Variants in GNLY observed in about 807,000 individuals in gnomAD.
GNLY encodes granulysin.
A neutral mutation model predicts 18.5 loss-of-function variants in GNLY; 15 were observed. The ratio of observed to expected loss-of-function variants is 0.81; its 90% confidence interval spans 0.54 to 1.25. GNLY has a LOEUF of 1.25. Ranked by LOEUF, GNLY falls within the 50% of genes most tolerant of loss-of-function variation. GNLY has a pLI of 0.00. For missense variants in GNLY, 178 were observed against 186.9 expected (o/e 0.95, Z 0.28); for synonymous variants, 77 against 74.9 (o/e 1.03, Z -0.14).
At position 85,697,705 on chromosome 2, in the gene GNLY, C is replaced by T. The variant is rs762585559; in HGVS notation, c.427+28C>T. ...GAGTGCAGAGGTGACAGCAGGGATA[C>T]CTCCTGAGGGTTGGAGACAGCTTCC... On this transcript the variant is annotated intron_variant, in intron 4 of 4. Coordinates refer to ENST00000263863, the MANE Select transcript of GNLY (RefSeq NM_006433.5). 5.9e-6 allele frequency: 9 copies of T among 1,534,532 alleles called. No homozygotes were observed. The African/African-American group carries it at 1.2e-4, about 21-fold the overall frequency.
intron 3 of GNLY, 39 bp downstream of exon 3, chr2:85,696,095 C>A: frequency 8.6e-7 from 1 of 1,164,784 alleles, no homozygotes; most frequent in Non-Finnish European, 1.3e-6. Context: ...GTCTGCTGCT[C>A]AATGGAGGGG....
Position 85,695,370 on chromosome 2 carries a change from C to T in GNLY, c.103C>T (p.His35Tyr), listed in dbSNP as rs555596174. 2.9e-5 allele frequency: 46 copies of T among 1,613,872 alleles called. No homozygotes were observed. In the East Asian group the frequency reaches 7.6e-4, roughly 27 times the overall value. Residue 35 changes from histidine (H) to tyrosine (Y), a missense_variant, in exon 2 of 5, where the codon CAC (histidine) becomes TAC (tyrosine). His to Tyr is a moderately conservative substitution (Grantham distance 83). Coordinates refer to ENST00000263863, the MANE Select transcript of GNLY (RefSeq NM_006433.5). ...SPEYYDLARA[H>Y]LRDEEKSCPC... ...TGAGTACTACGACCTGGCAAGAGCCCACCTGCGTGATGAGGAGAAATCCTG... is the reference window on the plus strand; with the variant it reads ...TGAGTACTACGACCTGGCAAGAGCCTACCTGCGTGATGAGGAGAAATCCTG...
chr2:85,695,017 G>C (rs1214847554), intron 1 of GNLY: 2 of 1,581,018 alleles, frequency 1.3e-6, no homozygotes, highest in South Asian at 2.3e-5. Context: ...AAAATCCCTT[G>C]AAAGGAGATT....
chr2:85,695,490 G>C lies in GNLY; in HGVS notation c.156+67G>C, dbSNP rs1271681231. On this transcript the variant is annotated intron_variant, in intron 2 of 4. Transcript: ENST00000263863. ...TTTCCCTCCTCCCTGGTGGCTCCTG[G>C]GGTGAGGTCTGGAGCTCTCTAATGG... 4 of 934,246 alleles carry C rather than the reference G, an allele frequency of 4.3e-6. No individual in the cohort carries two copies. In the Admixed American group the frequency reaches 7.4e-5, roughly 17 times the overall value. 57.9% of individuals were successfully genotyped at this position (934,246 alleles called of 1,614,324 possible).
At chr2:85,696,978 A>G (rs139543132) in intron 3 of GNLY, 112 of 158,562 alleles carry the variant, frequency 7.1e-4, no homozygotes, top group Non-Finnish European at 1.2e-3. Context: ...TGCTGCCCCA[A>G]ACTACTCAGC....
At position 85,694,386 on chromosome 2, in the gene GNLY, G is replaced by T. The variant is rs1233543622; in HGVS notation, c.-33G>T. 6.2e-7 allele frequency: 1 copy of T among 1,606,368 alleles called. No individual in the cohort carries two copies. The highest frequency in any genetic ancestry group is 1.3e-5 in the African/African-American group (1 of 74,726). ...CTGCAGGCTCCCTGCCCATAAAACAGGGTGTGAAAGGCATCTCAGCGGCTG... is the reference window on the plus strand; with the variant it reads ...CTGCAGGCTCCCTGCCCATAAAACATGGTGTGAAAGGCATCTCAGCGGCTG... On this transcript the variant is annotated 5_prime_UTR_variant, in exon 1 of 5. The change creates a new upstream start codon in the 5' untranslated region. Coordinates refer to ENST00000263863, the MANE Select transcript of GNLY (RefSeq NM_006433.5).
Position 85,695,377 on chromosome 2 carries a change from G to C in GNLY, c.110G>C (p.Arg37Pro), listed in dbSNP as rs753773150. 1 of 1,613,962 alleles carries C rather than the reference G, an allele frequency of 6.2e-7. No individual in the cohort carries two copies. Among genetic ancestry groups the C allele is most frequent in the South Asian group, 1.1e-5 (1 of 91,076 alleles). Residue 37 changes from arginine (R) to proline (P), a missense_variant, in exon 2 of 5, where the codon CGT becomes CCT. Physicochemically the swap from Arg to Pro is moderately radical, Grantham distance 103. Coordinates refer to ENST00000263863, the MANE Select transcript of GNLY (RefSeq NM_006433.5). The stretch of plus-strand genomic sequence containing the variant: ...TACGACCTGGCAAGAGCCCACCTGC[G>C]TGATGAGGAGAAATCCTGCCCGTGC... ...EYYDLARAHL[R>P]DEEKSCPCLA...
At chr2:85,695,282 C>G in intron 1 of GNLY, 38 bp from the exon 2 acceptor site, 5 of 1,430,522 alleles carry the variant, frequency 3.5e-6, no homozygotes, top group Non-Finnish European at 4.9e-6. Flanking sequence ...CCTCTCCTTC[C>G]GCCTGCGGAG....
At chr2:85,695,004 A>AT (rs772664186) in intron 1 of GNLY, 70 of 1,589,966 alleles carry the variant, frequency 4.4e-5, no homozygotes, top group Non-Finnish European at 5.9e-5. Context: ...AAGGTAAAAA[A>AT]AGAAAATCCC....
At chr2:85,698,239 A>G (rs917372583) in intron 4 of GNLY, among the ~76,000 whole-genome samples, 1 of 152,212 alleles carries the variant, frequency 6.6e-6, no homozygotes, top group African/African-American at 2.4e-5. Flanking sequence ...GTGCCTGGAG[A>G]GAACAGATCT....
intron 1 of GNLY, chr2:85,695,098 C>A: frequency 1.7e-6 from 2 of 1,188,936 alleles, no homozygotes; most frequent in Non-Finnish European, 2.4e-6. Context: ...GAGAGAGTCT[C>A]GCCCTCCTGG....
At chr2:85,695,258 G>A in intron 1 of GNLY, 62 bp from the exon 2 acceptor site, 1 of 1,221,870 alleles carries the variant, frequency 8.2e-7, no homozygotes. Context: ...CACCAGCCAG[G>A]AGAACGGGCT....
Position 85,694,479 on chromosome 2 carries a change from T to A in GNLY, c.52+9T>A. 1 of 1,613,402 alleles carries A rather than the reference T, an allele frequency of 6.2e-7. No homozygotes were observed. Among genetic ancestry groups the A allele is most frequent in the Non-Finnish European group, 8.5e-7 (1 of 1,179,432 alleles). The stretch of plus-strand genomic sequence containing the variant: ...GCTCCTGGGCAACCCAGGTAAGGCC[T>A]TCCCCTCGGGATCGATCCTGATGGC... On this transcript the variant is annotated intron_variant, in intron 1 of 4. Transcript: ENST00000263863.
At chr2:85,698,318 A>C (rs1678539393) in intron 4 of GNLY, 3 of 704,742 alleles carry the variant, frequency 4.3e-6, no homozygotes, top group Non-Finnish European at 7.7e-6. Flanking sequence ...GGCACTTGCC[A>C]ATGCTCTGGG....
chr2:85,695,402 C>T lies in GNLY; in HGVS notation c.135C>T (p.Cys45=), dbSNP rs1342840656. ...GTGATGAGGAGAAATCCTGCCCGTG[C>T]CTGGCCCAGGAGGGCCCCCAGGTAC... ...HLRDEEKSCP[C]LAQEGPQGDL... The change falls in exon 2 of 5, where the codon TGC becomes TGT. Residue 45 remains cysteine, a synonymous_variant. Transcript: ENST00000263863. The T allele has an allele frequency of 6.2e-6, 10 of 1,610,894 alleles. No individual in the cohort carries two copies. Among genetic ancestry groups the T allele is most frequent in the Non-Finnish European group, 7.6e-6 (9 of 1,177,002 alleles).
Position 85,698,604 on chromosome 2 carries a change from A to T in GNLY, c.*30A>T. On this transcript the variant is annotated 3_prime_UTR_variant, in exon 5 of 5. Transcript: ENST00000263863. ...TCTCACCTTGTCCTGTGGAAGAAGC[A>T]CAGGCTCCTGTCCTCAGATCCCGGG... 6.2e-7 allele frequency: 1 copy of T among 1,613,832 alleles called. No individual in the cohort carries two copies. Among genetic ancestry groups the T allele is most frequent in the Non-Finnish European group, 8.5e-7 (1 of 1,179,910 alleles).
intron 3 of GNLY, 49 bp downstream of exon 3, chr2:85,696,105 G>A (rs149567569): frequency 2.8e-6 from 3 of 1,079,662 alleles, no homozygotes; most frequent in South Asian, 1.3e-5. Context: ...CAATGGAGGG[G>A]CCAGCCTGTG....
At position 85,694,480 on chromosome 2, in the gene GNLY, T is replaced by A; in HGVS notation, c.52+10T>A. The A allele has an allele frequency of 6.2e-7, 1 of 1,613,372 alleles. No homozygotes were observed. The highest frequency in any genetic ancestry group is 8.5e-7 in the Non-Finnish European group (1 of 1,179,422). Reference sequence around the variant, plus strand: ...CTCCTGGGCAACCCAGGTAAGGCCTTCCCCTCGGGATCGATCCTGATGGCC... The same window carrying A: ...CTCCTGGGCAACCCAGGTAAGGCCTACCCCTCGGGATCGATCCTGATGGCC... On this transcript the variant is annotated intron_variant, in intron 1 of 4. Transcript: ENST00000263863.
chr2:85,694,725 G>A, intron 1 of GNLY: 1 of 1,437,728 alleles, frequency 7.0e-7, no homozygotes, highest in Non-Finnish European at 9.1e-7. Flanking sequence ...CACACTGTGT[G>A]GCCTGAGACC....
Sources: gnomAD v4.1 joint callset for allele counts (sites outside exome capture counted in the v4.1 genomes callset) on GRCh38, gnomAD v4.1.1 for gene constraint, MANE v1.5 for transcripts, NCBI Gene and HGNC (gene_info 2026-07-23, HGNC 2026-07-21) for gene names.